Variants in ADAMTS10 observed in about 807,000 individuals in gnomAD.
The protein encoded by ADAMTS10 is ADAM metallopeptidase with thrombospondin type 1 motif 10.
In ADAMTS10, 48 loss-of-function variants were observed where a neutral mutation model predicts 135.9. The ratio of observed to expected loss-of-function variants is 0.35; its 90% CI spans 0.28 to 0.45. The LOEUF (loss-of-function observed/expected upper bound fraction) is 0.45. Ranked by LOEUF, ADAMTS10 falls within the 20% of genes least tolerant of loss-of-function variation. The pLI is 1.00. For missense variants in ADAMTS10, 1,131 were observed against 1,565.2 expected (o/e 0.72, Z 4.68); for synonymous variants, 621 against 647.5 (o/e 0.96, Z 0.62).
chr19:8,585,570 G>A lies in ADAMTS10; in HGVS notation c.2751C>T (p.Ala917=). The A allele has an allele frequency of 1.9e-6, 3 of 1,605,256 alleles. No homozygotes were observed. Among genetic ancestry groups the A allele is most frequent in the South Asian group, 2.2e-5 (2 of 90,188 alleles). Residue 917 remains alanine (A), a synonymous_variant, in exon 23 of 26, where the codon GCC becomes GCT. Coordinates refer to ENST00000597188, the MANE Select transcript of ADAMTS10 (RefSeq NM_030957.4). The part of the protein sequence containing the change: ...RSVVCQRRVS[A]AEEKALDDSA... ...TGTCGTCCAGCGCCTTCTCCTCCGC[G>A]GCAGAGACGCGGCGCTGGCACACGA...
chr19:8,610,623 G>GC, intron 1 of ADAMTS10, 21 bp downstream of exon 1: 1 of 150,906 alleles, frequency 6.6e-6, no homozygotes, highest in South Asian at 2.1e-4. Context: ...GCACCCCCGG[G>GC]CCCCCCGCCC....
rs2042608836 is a variant in ADAMTS10 at position 8,596,622 on chromosome 19, T to C, written c.1041-37A>G. The C allele has an allele frequency of 6.2e-7, 1 of 1,609,494 alleles. No homozygotes were observed. Among genetic ancestry groups the C allele is most frequent in the African/African-American group, 1.3e-5 (1 of 74,966 alleles). On this transcript the variant is annotated intron_variant, in intron 8 of 25. Coordinates refer to ENST00000597188, the MANE Select transcript of ADAMTS10 (RefSeq NM_030957.4). This position sits in a 1 kb window ranked among gnomAD's most constrained non-coding sequence, Gnocchi z 7.2. ...GACAGGGTCAGTGAGGGGGCTGGGC[T>C]GTCTCCCTAAGCCCTGCTGATGCCA...
intron 18 of ADAMTS10, among the ~76,000 whole-genome samples, chr19:8,587,930 CAAA>C (rs34536913): frequency 3.7e-4 from 34 of 90,748 alleles, no homozygotes; most frequent in African/African-American, 9.5e-4. Flanking sequence ...GACCCCATCT[CAAA>C]AAAAAAAAAA....
chr19:8,606,911 A>G (rs1413582424), intron 2 of ADAMTS10, among the ~76,000 whole-genome samples: 1 of 152,166 alleles, frequency 6.6e-6, no homozygotes. Context: ...GTTCTCTAGA[A>G]GGTATCAATG....
chr19:8,600,293 G>T (rs1196078410), intron 6 of ADAMTS10, among the ~76,000 whole-genome samples: 7 of 152,172 alleles, frequency 4.6e-5, no homozygotes, highest in Non-Finnish European at 7.3e-5. Context: ...CTCAAAGGCA[G>T]ACAGTTAAAA....
chr19:8,592,084 C>A lies in ADAMTS10; in HGVS notation c.1607G>T (p.Cys536Phe). 6.2e-7 allele frequency: 1 copy of A among 1,613,784 alleles called. No individual in the cohort carries two copies. The highest frequency in any genetic ancestry group is 8.5e-7 in the Non-Finnish European group (1 of 1,179,962). Residue 536 changes from cysteine (C) to phenylalanine (F), a missense_variant, in exon 14 of 26, where the codon TGT becomes TTT. Cys to Phe is a radical substitution (Grantham distance 205). Around this residue, in one of 3 missense-constraint regions of ADAMTS10, gnomAD observed 745 missense variants for 1,056.3 expected, o/e 0.71. Coordinates refer to ENST00000597188, the MANE Select transcript of ADAMTS10 (RefSeq NM_030957.4). Reference sequence around the variant, plus strand: ...CTCTGGGCGCGACCCAAAGGGGACACAGACCCGTTTGTAGCACCACTGGGT... The same window carrying A: ...CTCTGGGCGCGACCCAAAGGGGACAAAGACCCGTTTGTAGCACCACTGGGT... The part of the protein sequence containing the change: ...IDKGWCYKRV[C>F]VPFGSRPEGV...
At chr19:8,589,147 G>T in intron 18 of ADAMTS10, 95 bp downstream of exon 18, 1 of 1,589,896 alleles carries the variant, frequency 6.3e-7, no homozygotes. Flanking sequence ...TGGGGTCTGA[G>T]GAGTTAGTGA....
chr19:8,609,395 C>T (rs1184733915), intron 1 of ADAMTS10, among the ~76,000 whole-genome samples: 1 of 151,972 alleles, frequency 6.6e-6, no homozygotes, highest in African/African-American at 2.4e-5. Context: ...AGGCTCTGTC[C>T]CATCCCATCC....
In ADAMTS10 at chr19:8,581,130, C is replaced by CTTTTTTTTTTT. The variant is rs369050914; in HGVS notation, c.3203-139_3203-129dup. 1.3e-4 allele frequency: 19 copies of CTTTTTTTTTTT among 147,320 alleles called. 1 individual carries two copies. Among genetic ancestry groups the CTTTTTTTTTTT allele is most frequent in the East Asian group, 3.2e-4 (1 of 3,108 alleles). 9.1% of individuals were successfully genotyped at this position (147,320 alleles called of 1,614,324 possible). ...CTTGGTTTCTTTCTTTTTAAATTTA[C>CTTTTTTTTTTT]TTTTTTTTTTTTTTTTTTTTTTTTT... is the stretch of plus-strand genomic sequence containing the variant. On this transcript the variant is annotated intron_variant, in intron 25 of 25. Transcript: ENST00000597188.
rs1459257995 is a variant in ADAMTS10 at position 8,592,964 on chromosome 19, GCCGGTCCCAGAGCAGAGAGC to G, written c.1480-114_1480-95del. 11 of 1,181,062 alleles carry G rather than the reference GCCGGTCCCAGAGCAGAGAGC, an allele frequency of 9.3e-6. No individual in the cohort carries two copies. The African/African-American group carries it at 1.7e-4, about 18-fold the overall frequency. The allele number at this position is 1,181,062 out of a possible 1,614,324, so 73.2% of individuals were successfully genotyped here. On this transcript the variant is annotated intron_variant, in intron 12 of 25. Transcript: ENST00000597188. ...GGAGGACCCAGATGTCCGGCTCACTGCCGGTCCCAGAGCAGAGAGCCCGGTGCTCCCTTCCTGGCTCGCGG... is the reference window on the plus strand; with the variant it reads ...GGAGGACCCAGATGTCCGGCTCACTGCCGGTGCTCCCTTCCTGGCTCGCGG...
At position 8,601,712 on chromosome 19, in the gene ADAMTS10, T is replaced by G. The variant is rs1271633553; in HGVS notation, c.593-567A>C. 1.3e-5 allele frequency among the ~76,000 whole-genome samples: 2 copies of G among 152,124 alleles called. No homozygotes were observed. Among genetic ancestry groups the G allele is most frequent in the African/African-American group, 2.4e-5 (1 of 41,442 alleles). Reference sequence around the variant, plus strand: ...TCTTGGCGGTACCATCTCTTTTTTTTGTCAGTGTCCTACTACCTGAGAATA... The same window carrying G: ...TCTTGGCGGTACCATCTCTTTTTTTGGTCAGTGTCCTACTACCTGAGAATA... On this transcript the variant is annotated intron_variant, in intron 5 of 25. Coordinates refer to ENST00000597188, the MANE Select transcript of ADAMTS10 (RefSeq NM_030957.4). The surrounding 1 kb of genome is among the most constrained non-coding windows in gnomAD (Gnocchi z 4.6).
At chr19:8,597,429 G>A (rs1555740535) in intron 6 of ADAMTS10, 112 bp from the exon 7 acceptor site, 1 of 954,240 alleles carries the variant, frequency 1.0e-6, no homozygotes, top group Non-Finnish European at 1.6e-6. Context: ...CTGTGTGTCG[G>A]GTCTTAGGCT....
intron 13 of ADAMTS10, 41 bp from the exon 14 acceptor site, chr19:8,592,144 G>A (rs2042541004): frequency 3.1e-6 from 5 of 1,613,046 alleles, no homozygotes; most frequent in Non-Finnish European, 4.2e-6. Flanking sequence ...CCAGCCCGGA[G>A]GACACTCGTC....
intron 22 of ADAMTS10, 118 bp from the exon 23 acceptor site, chr19:8,585,778 C>T: frequency 9.4e-7 from 1 of 1,065,982 alleles, no homozygotes; most frequent in Non-Finnish European, 1.4e-6. Context: ...TGGAAACTGG[C>T]ACCAGGCACC....
Position 8,605,601 on chromosome 19 carries a change from G to A in ADAMTS10, c.88+22C>T, listed in dbSNP as rs781893827. ...TTACATTTTTCGCTCCCTCCCCACC[G>A]CCACCACCAGACTTCCCCTACCTTG... On this transcript the variant is annotated intron_variant, in intron 3 of 25. Coordinates refer to ENST00000597188, the MANE Select transcript of ADAMTS10 (RefSeq NM_030957.4). The surrounding 1 kb of genome is among the most constrained non-coding windows in gnomAD (Gnocchi z 7.7). 1.9e-5 allele frequency: 30 copies of A among 1,586,310 alleles called. No homozygotes were observed. The highest frequency in any genetic ancestry group is 6.7e-5 in the South Asian group (6 of 89,974).
At chr19:8,595,508 G>C (rs537461471) in intron 12 of ADAMTS10, 90 of 533,136 alleles carry the variant, frequency 1.7e-4, no homozygotes, top group South Asian at 1.6e-3. Context: ...TGGCCCCCCA[G>C]CCCAGCCCTC....
Position 8,582,089 on chromosome 19 carries a change from C to A in ADAMTS10, c.3203-1087G>T, listed in dbSNP as rs2042360592. 2.0e-5 allele frequency among the ~76,000 whole-genome samples: 3 copies of A among 152,064 alleles called. No homozygotes were observed. The South Asian group carries it at 6.2e-4, about 32-fold the overall frequency. ...AATAAAACAAAAGAAGACAAATATT[C>A]CCTTTCCTTTCCATTGTTCCTTTTC... On this transcript the variant is annotated intron_variant, in intron 25 of 25. Transcript: ENST00000597188.
chr19:8,592,531 G>C (rs1172113230), intron 13 of ADAMTS10, among the ~76,000 whole-genome samples: 1 of 151,930 alleles, frequency 6.6e-6, no homozygotes, highest in African/African-American at 2.4e-5. Context: ...CAACGCGGGA[G>C]GGAGTTAAAC....
chr19:8,598,827 G>A (rs577220899), intron 6 of ADAMTS10, among the ~76,000 whole-genome samples: 22 of 151,796 alleles, frequency 1.4e-4, no homozygotes, highest in African/African-American at 4.8e-4. Flanking sequence ...CACCCGCCTC[G>A]GCCTCCCAAA....
Sources: gnomAD v4.1 joint callset for allele counts (sites outside exome capture counted in the v4.1 genomes callset) on GRCh38, gnomAD v4.1.1 for gene constraint, gnomAD v4.1.1 regional missense constraint, Gnocchi (gnomAD v3.1) non-coding constraint, MANE v1.5 for transcripts, NCBI Gene and HGNC (gene_info 2026-07-23, HGNC 2026-07-21) for gene names.